PARP1: variants seen among roughly 807,000 people sequenced by gnomAD.
The protein encoded by PARP1 is poly [ADP-ribose] polymerase 1.
In PARP1, 44 loss-of-function variants were observed where a neutral mutation model predicts 118.7. The observed-to-expected ratio is 0.37, with a 90% confidence interval of 0.29 to 0.48. The LOEUF (loss-of-function observed/expected upper bound fraction) is 0.48, where lower values mean the gene tolerates loss of function less well. Among genes scored for constraint, PARP1 ranks in the 20% least tolerant of loss-of-function variants. PARP1 has a pLI of 0.99. For missense variants in PARP1, 1,100 were observed against 1,272.4 expected (o/e 0.86, Z 2.06); for synonymous variants, 492 against 483.2 (o/e 1.02, Z -0.24).
chr1:226,373,610 G>T (rs1558235602), intron 14 of PARP1, among the ~76,000 whole-genome samples: 1 of 152,220 alleles, frequency 6.6e-6, no homozygotes, highest in Non-Finnish European at 1.5e-5. Context: ...CTGGACAGAA[G>T]CATGACTAAT....
At position 226,381,168 on chromosome 1, in the gene PARP1, CT is replaced by C; in HGVS notation, c.1199del (p.Lys400SerfsTer9). 6.2e-7 allele frequency: 1 copy of C among 1,614,136 alleles called. No individual in the cohort carries two copies. Among genetic ancestry groups the C allele is most frequent in the East Asian group, 2.2e-5 (1 of 44,882 alleles). On this transcript the variant is annotated frameshift_variant, in exon 9 of 23. Transcript: ENST00000366794. LOFTEE classifies it high-confidence loss of function. ...LSNMKILTLG[K>X]LSRNKDEVKA... ...TCACTTCATCCTTGTTCCGGGACAG[CT>C]TCCCGAGAGTCAGGATCTTCATGTT...
At position 226,388,659 on chromosome 1, in the gene PARP1, T is replaced by C; in HGVS notation, c.714A>G (p.Leu238=). The C allele has an allele frequency of 1.2e-6, 2 of 1,605,954 alleles. No homozygotes were observed. The highest frequency in any genetic ancestry group is 1.7e-5 in the Admixed American group (1 of 60,022). The change falls in exon 5 of 23, where the codon CTA becomes CTG. Residue 238 remains leucine (L), a synonymous_variant. Coordinates refer to ENST00000366794, the MANE Select transcript of PARP1 (RefSeq NM_001618.4). ...KDKDSKLEKA[L]KAQNDLIWNI... is the part of the protein sequence containing the mutation. ...AGACACAGAGCTGAGAACTCACCTT[T>C]AGGGCTTTTTCAAGCTTACTATCCT... is the stretch of plus-strand genomic sequence containing the variant.
At chr1:226,389,246 G>A (rs764294428) in intron 4 of PARP1, among the ~76,000 whole-genome samples, 1 of 152,036 alleles carries the variant, frequency 6.6e-6, no homozygotes, top group Non-Finnish European at 1.5e-5. Context: ...TGCTCACAGA[G>A]GTGGGGCTGT....
At chr1:226,374,048 G>A (rs367556186) in intron 14 of PARP1, among the ~76,000 whole-genome samples, 178 bp downstream of exon 14, 2 of 152,126 alleles carry the variant, frequency 1.3e-5, no homozygotes, top group African/African-American at 4.8e-5. Context: ...CTGCAAAAGT[G>A]CAACCACTCC....
intron 1 of PARP1, 105 bp from the exon 2 acceptor site, chr1:226,402,484 G>A (rs1665058392): frequency 5.6e-6 from 6 of 1,074,628 alleles, no homozygotes; most frequent in African/African-American, 1.6e-5. Context: ...CCCAGCAGTG[G>A]GATAGCACAT....
At chr1:226,363,667 T>C (rs1460112963) in intron 20 of PARP1, among the ~76,000 whole-genome samples, 1 of 152,212 alleles carries the variant, frequency 6.6e-6, no homozygotes, top group Non-Finnish European at 1.5e-5. Context: ...TTTGTGCAAC[T>C]CAATCTCTCT....
At chr1:226,379,378 C>T in intron 11 of PARP1, 104 bp from the exon 12 acceptor site, 4 of 1,444,078 alleles carry the variant, frequency 2.8e-6, no homozygotes, top group Non-Finnish European at 2.9e-6. Context: ...CTTGGATACA[C>T]TACCACCACC....
intron 21 of PARP1, 97 bp from the exon 22 acceptor site, chr1:226,362,180 CTTTCT>C (rs1377335105): frequency 2.3e-5 from 16 of 690,752 alleles, no homozygotes; most frequent in African/African-American, 1.3e-4. Context: ...TCCATGTGGT[CTTTCT>C]TTTTTTTTTT....
At chr1:226,362,900 G>A (rs1217041364) in intron 21 of PARP1, among the ~76,000 whole-genome samples, 199 bp downstream of exon 21, 5 of 150,548 alleles carry the variant, frequency 3.3e-5, no homozygotes, top group East Asian at 1.9e-4. Flanking sequence ...CTCCAATCAT[G>A]GTCAGTTGCA....
chr1:226,405,092 G>T (rs745523213), intron 1 of PARP1, among the ~76,000 whole-genome samples: 3 of 152,180 alleles, frequency 2.0e-5, no homozygotes, highest in African/African-American at 7.2e-5. Flanking sequence ...AAATGTAAAA[G>T]AAGGTATTTA....
At chr1:226,379,341 G>A in intron 11 of PARP1, 67 bp from the exon 12 acceptor site, 2 of 1,597,790 alleles carry the variant, frequency 1.3e-6, no homozygotes, top group African/African-American at 2.7e-5. Context: ...CACGGAGAAG[G>A]GATCTGCAGG....
chr1:226,379,663 G>T, intron 10 of PARP1, 22 bp from the exon 11 acceptor site: 1 of 1,575,662 alleles, frequency 6.3e-7, no homozygotes, highest in Non-Finnish European at 8.7e-7. Flanking sequence ...ACAGAAAAAT[G>T]TAAACATGAA....
rs78480285 is a variant in PARP1, at chr1:226,381,455, C to T, written c.1160-247G>A. ...CTCCATGGCCAGGCCAGCCTCGCGGCGTGAGCCAGGCAGCTGCGGGTTACC... is the reference window on the plus strand; with the variant it reads ...CTCCATGGCCAGGCCAGCCTCGCGGTGTGAGCCAGGCAGCTGCGGGTTACC... On this transcript the variant is annotated intron_variant, in intron 8 of 22. Transcript: ENST00000366794. Among the ~76,000 whole-genome samples the T allele has an allele frequency of 1.8e-4, 27 of 152,336 alleles. No individual in the cohort carries two copies. The East Asian group carries it at 2.7e-3, about 15-fold the overall frequency.
At chr1:226,398,982 A>T (rs371235412) in intron 2 of PARP1, among the ~76,000 whole-genome samples, 58 of 152,320 alleles carry the variant, frequency 3.8e-4, no homozygotes, top group African/African-American at 1.3e-3. Flanking sequence ...CAGCAGGTCA[A>T]TGAATAAACA....
chr1:226,381,751 C>T (rs932081516), intron 8 of PARP1, among the ~76,000 whole-genome samples: 3 of 152,156 alleles, frequency 2.0e-5, no homozygotes, highest in African/African-American at 7.2e-5. Context: ...CTGACCCAGG[C>T]CAGAAAGGCC....
At chr1:226,376,587 A>C (rs1664491748) in intron 13 of PARP1, among the ~76,000 whole-genome samples, 1 of 152,260 alleles carries the variant, frequency 6.6e-6, no homozygotes, top group Non-Finnish European at 1.5e-5. Flanking sequence ...TCGATATCTC[A>C]AAGATGCTAC....
At chr1:226,375,640 A>G (rs1486533360) in intron 13 of PARP1, among the ~76,000 whole-genome samples, 3 of 152,210 alleles carry the variant, frequency 2.0e-5, no homozygotes, top group Non-Finnish European at 4.4e-5. Context: ...CTCATTAATA[A>G]TTTTATTGGT....
intron 19 of PARP1, 150 bp downstream of exon 19, chr1:226,364,852 G>C: frequency 1.2e-6 from 1 of 867,658 alleles, no homozygotes; most frequent in Non-Finnish European, 1.8e-6. Flanking sequence ...CCCTGACAGG[G>C]TTAGGGTCAG....
At chr1:226,364,894 A>G in intron 19 of PARP1, 108 bp downstream of exon 19, 1 of 1,231,842 alleles carries the variant, frequency 8.1e-7, no homozygotes, top group Non-Finnish European at 1.2e-6. Context: ...CAAAGAAAGG[A>G]TGTCTGGCAG....
Sources: gnomAD v4.1 joint callset for allele counts (sites outside exome capture counted in the v4.1 genomes callset) on GRCh38, gnomAD v4.1.1 for gene constraint, MANE v1.5 for transcripts, NCBI Gene and HGNC (gene_info 2026-07-23, HGNC 2026-07-21) for gene names.